LRP1B: variants seen among roughly 807,000 people sequenced by gnomAD.
LRP1B encodes low-density lipoprotein receptor-related protein 1B.
LRP1B carries 217 observed loss-of-function variants against 556.6 expected under a neutral mutation model. The ratio of observed to expected loss-of-function variants is 0.39; its 90% CI spans 0.35 to 0.44. The LOEUF (loss-of-function observed/expected upper bound fraction) is 0.44. Among genes scored for constraint, LRP1B ranks in the 20% least tolerant of loss-of-function variants. The pLI is 1.00. For synonymous variants in LRP1B, 2,047 were observed against 1,865.8 expected (o/e 1.10, Z -2.50); for missense variants, 5,053 against 5,620.8 (o/e 0.90, Z 3.23).
intron 84 of LRP1B, among the ~76,000 whole-genome samples, chr2:140,287,917 A>T (rs1017147635): frequency 7.7e-6 from 1 of 130,184 alleles, no homozygotes; most frequent in Non-Finnish European, 1.7e-5. Context: ...CTTTATTTGG[A>T]AAATGTAGTG....
At chr2:140,501,628 C>T (rs1383426916) in intron 55 of LRP1B, 59 bp downstream of exon 55, 6 of 1,272,080 alleles carry the variant, frequency 4.7e-6, no homozygotes, top group East Asian at 2.5e-5. Context: ...GATTAAATAG[C>T]TTTCTTAACC....
intron 7 of LRP1B, among the ~76,000 whole-genome samples, chr2:141,069,731 T>A (rs1032940548): frequency 6.6e-5 from 10 of 152,090 alleles, no homozygotes; most frequent in African/African-American, 2.4e-4. Context: ...ATTCTTAGGC[T>A]GTAATTGAAA....
chr2:141,011,742 G>T (rs148073460), intron 14 of LRP1B, among the ~76,000 whole-genome samples: 265 of 152,050 alleles, frequency 1.7e-3, no homozygotes, highest in Non-Finnish European at 2.8e-3. Flanking sequence ...AATTAAAATG[G>T]GGAAAAGCAC....
rs1695788998 is a variant in LRP1B, at chr2:141,795,860, ATATATATATATATATATATATATATAT to A, written c.205+14392_205+14418del. Among the ~76,000 whole-genome samples the A allele has an allele frequency of 1.4e-4, 10 of 69,342 alleles. 1 individual carries two copies. The highest frequency in any genetic ancestry group is 2.6e-4 in the Non-Finnish European group (8 of 31,024). The allele number at this position is 69,342 out of a possible 152,430, so 45.5% of individuals were successfully genotyped here. A position where few individuals can be genotyped will look rare whatever the true frequency, so the allele number is the denominator to read the frequency against. On this transcript the variant is annotated intron_variant, in intron 2 of 90. Transcript: ENST00000389484. The stretch of plus-strand genomic sequence containing the variant: ...ATAGAGAATGAAAACCAGGAGCAAT[ATATATATATATATATATATATATATAT>A]ATATATATATATAATCTTTAAGCAA...
chr2:140,986,112 G>GT (rs547494636), intron 17 of LRP1B, among the ~76,000 whole-genome samples: 34 of 74,026 alleles, frequency 4.6e-4, no homozygotes, highest in Admixed American at 2.4e-3. Context: ...CAATTTAGTG[G>GT]TTTTTTTTTC....
Position 140,989,662 on chromosome 2 carries a change from G to T in LRP1B, c.2645-5C>A, listed in dbSNP as rs1697029651. 1 of 1,611,938 alleles carries T rather than the reference G, an allele frequency of 6.2e-7. No individual in the cohort carries two copies. The highest frequency in any genetic ancestry group is 2.2e-5 in the East Asian group (1 of 44,772). The stretch of plus-strand genomic sequence containing the variant: ...CATCAGGACAGCTATGATTGACTGG[G>T]AGGGAGGGGGAAGCAAGATTAATTA... On this transcript the variant is annotated splice_polypyrimidine_tract_variant and splice_region_variant and intron_variant, in intron 16 of 90. Coordinates refer to ENST00000389484, the MANE Select transcript of LRP1B (RefSeq NM_018557.3).
intron 87 of LRP1B, among the ~76,000 whole-genome samples, chr2:140,246,493 A>G (rs1681169318): frequency 6.6e-6 from 1 of 150,512 alleles, no homozygotes; most frequent in South Asian, 2.1e-4. Context: ...CAACGATGAT[A>G]TAGACACAAG....
chr2:140,963,071 C>T (rs10928081), intron 18 of LRP1B, among the ~76,000 whole-genome samples: 23,822 of 152,084 alleles, frequency 0.16, 1,982 homozygotes, highest in East Asian at 0.24. Context: ...AAATTATTTA[C>T]TGACGTATTG....
chr2:141,549,149 T>C, intron 2 of LRP1B, among the ~76,000 whole-genome samples: 1 of 152,138 alleles, frequency 6.6e-6, no homozygotes, highest in Admixed American at 6.6e-5. Context: ...AATTTTGGAG[T>C]TAGACAACAA....
intron 2 of LRP1B, among the ~76,000 whole-genome samples, chr2:141,599,522 G>T (rs1362915848): frequency 3.9e-5 from 6 of 152,020 alleles, no homozygotes; most frequent in Admixed American, 1.3e-4. Context: ...AAACTTTAGG[G>T]TAACCATGGC....
intron 7 of LRP1B, among the ~76,000 whole-genome samples, chr2:141,129,998 C>T (rs182070195): frequency 1.6e-4 from 25 of 151,536 alleles, no homozygotes; most frequent in Non-Finnish European, 3.2e-4. Flanking sequence ...GGAATAGTGA[C>T]AAAGCAAATG....
intron 84 of LRP1B, among the ~76,000 whole-genome samples, chr2:140,278,302 C>T (rs1190427086): frequency 1.3e-5 from 2 of 151,880 alleles, no homozygotes; most frequent in Non-Finnish European, 2.9e-5. Flanking sequence ...ATGTGTACAC[C>T]TTGTAATATT....
chr2:140,876,722 C>T (rs1450646993), intron 25 of LRP1B, among the ~76,000 whole-genome samples: 2 of 152,152 alleles, frequency 1.3e-5, no homozygotes, highest in Non-Finnish European at 2.9e-5. Flanking sequence ...CATGGCTGGG[C>T]TCAACTTTAA....
chr2:141,547,641 G>A (rs757307717), intron 2 of LRP1B, among the ~76,000 whole-genome samples: 6 of 152,148 alleles, frequency 3.9e-5, no homozygotes, highest in Admixed American at 1.3e-4. Context: ...AGACTCTTAC[G>A]TCTCTGTGCT....
intron 35 of LRP1B, among the ~76,000 whole-genome samples, chr2:140,729,194 T>A (rs116643147): frequency 0.013 from 1,953 of 152,222 alleles, 38 homozygotes; most frequent in South Asian, 0.048. Flanking sequence ...GAAAATTCTG[T>A]AAAAATATTC....
chr2:140,560,213 T>C (rs1186689629), intron 43 of LRP1B, among the ~76,000 whole-genome samples: 6 of 152,038 alleles, frequency 3.9e-5, no homozygotes, highest in African/African-American at 7.2e-5. Context: ...ATACATAAAG[T>C]TAAAGCAAGA....
Position 141,312,989 on chromosome 2 carries a change from C to A in LRP1B, c.344-58348G>T, listed in dbSNP as rs1195324623. Among the ~76,000 whole-genome samples the A allele has an allele frequency of 2.6e-5, 4 of 152,036 alleles. No individual in the cohort carries two copies. In the East Asian group the frequency reaches 7.7e-4, roughly 29 times the overall value. ...AGCCACCACACCTGGACTGCTAATT[C>A]TTTTATTTAAAAACTTTCTGCTCTA... On this transcript the variant is annotated intron_variant, in intron 3 of 90. Transcript: ENST00000389484.
rs550803574 is a variant in LRP1B, at chr2:141,387,025, T to A, written c.343+93371A>T. On this transcript the variant is annotated intron_variant, in intron 3 of 90. Transcript: ENST00000389484. ...AATATCTTCTCAAACCACAATGGAA[T>A]AAAGTTAGAAATTAATAAAAGATAA... 3.9e-3 allele frequency among the ~76,000 whole-genome samples: 592 copies of A among 152,052 alleles called. 4 individuals are homozygous for A. The highest frequency in any genetic ancestry group is 0.013 in the African/African-American group (528 of 41,528).
chr2:141,688,525 G>C (rs1241796241), intron 2 of LRP1B, among the ~76,000 whole-genome samples: 2 of 151,804 alleles, frequency 1.3e-5, no homozygotes, highest in Non-Finnish European at 2.9e-5. Context: ...GCAAGTTGGG[G>C]CCAGAAAGTG....
Sources: gnomAD v4.1 joint callset for allele counts (sites outside exome capture counted in the v4.1 genomes callset) on GRCh38, gnomAD v4.1.1 for gene constraint, MANE v1.5 for transcripts, NCBI Gene and HGNC (gene_info 2026-07-23, HGNC 2026-07-21) for gene names.